Variants in TPD52L2 observed in about 807,000 individuals in gnomAD.
The protein encoded by TPD52L2 is tumor protein D54.
In TPD52L2, 19 loss-of-function variants were observed where a neutral mutation model predicts 24.7. That is an observed-to-expected ratio of 0.77 (90% CI 0.54 to 1.13). TPD52L2 has a LOEUF of 1.13. TPD52L2 is among the 50% of genes most tolerant of loss of function. The probability of loss-of-function intolerance (pLI) is 0.00; values close to 1 mark genes in which losing one functional copy is unlikely to be tolerated. For missense variants in TPD52L2, 236 were observed against 250.4 expected, an observed-to-expected ratio of 0.94 and a Z score of 0.39; for synonymous variants, 104 against 100.2, an observed-to-expected ratio of 1.04 and a Z score of -0.23.
intron 6 of TPD52L2, 27 bp from the exon 7 acceptor site, chr20:63,889,823 T>C: frequency 6.2e-7 from 1 of 1,607,582 alleles, no homozygotes; most frequent in Non-Finnish European, 8.5e-7. Context: ...CTCAGGTTTT[T>C]CTGTCTTCAT....
At chr20:63,867,575 A>C (rs1431247142) in intron 1 of TPD52L2, among the ~76,000 whole-genome samples, 2 of 151,974 alleles carry the variant, frequency 1.3e-5, no homozygotes, top group Admixed American at 6.5e-5. Flanking sequence ...AAAAAAAAAA[A>C]AAGAGAATCA....
In TPD52L2 at chr20:63,865,274, C is replaced by T. The variant is rs1411176924; in HGVS notation, c.-92C>T. ...GAAACGCCGCGGAGCTGAGGCAGTT[C>T]CGCTGGCTAGTGTGTACGCGGCGAG... On this transcript the variant is annotated 5_prime_UTR_variant, in exon 1 of 7. Coordinates refer to ENST00000346249, the MANE Select transcript of TPD52L2 (RefSeq NM_003288.4). 2.1e-5 allele frequency: 29 copies of T among 1,390,798 alleles called. No individual in the cohort carries two copies. The highest frequency in any genetic ancestry group is 2.7e-5 in the Non-Finnish European group (29 of 1,060,316). The allele number at this position is 1,390,798 out of a possible 1,614,324, so 86.2% of individuals were successfully genotyped here.
intron 2 of TPD52L2, among the ~76,000 whole-genome samples, chr20:63,871,082 G>A (rs1365605417): frequency 4.6e-5 from 7 of 151,952 alleles, no homozygotes; most frequent in South Asian, 2.1e-4. Context: ...TTGCTCTGTC[G>A]CCCAGGCTAG....
At chr20:63,865,405 C>G (rs114988659) in intron 1 of TPD52L2, 21 bp downstream of exon 1, 2 of 1,528,456 alleles carry the variant, frequency 1.3e-6, no homozygotes, top group African/African-American at 2.8e-5. Context: ...GGCCCGGCCC[C>G]TTCGCCGCAG....
chr20:63,870,486 G>A (rs2052416721), intron 2 of TPD52L2, among the ~76,000 whole-genome samples: 2 of 150,370 alleles, frequency 1.3e-5, no homozygotes, highest in South Asian at 4.2e-4. Context: ...AAATCCACAA[G>A]GTTTTTTTCA....
intron 3 of TPD52L2, among the ~76,000 whole-genome samples, chr20:63,875,289 C>G (rs900926168): frequency 2.0e-5 from 3 of 152,200 alleles, no homozygotes; most frequent in East Asian, 1.9e-4. Flanking sequence ...AGATGTCGCT[C>G]AGCTCTGAAT....
At chr20:63,883,409 C>T (rs2052972169) in intron 5 of TPD52L2, among the ~76,000 whole-genome samples, 1 of 152,196 alleles carries the variant, frequency 6.6e-6, no homozygotes, top group African/African-American at 2.4e-5. Flanking sequence ...CTGTTCTAGG[C>T]TCCCTGACTA....
Position 63,890,286 on chromosome 20 carries a change from G to T in TPD52L2, c.*341G>T. On this transcript the variant is annotated 3_prime_UTR_variant, in exon 7 of 7. Transcript: ENST00000346249. Reference sequence around the variant, plus strand: ...ATGTTAGCCCATCAGAATGTTGAAGGATTGAAGAGTTCTAAGCATAAAATA... The same window carrying T: ...ATGTTAGCCCATCAGAATGTTGAAGTATTGAAGAGTTCTAAGCATAAAATA... 2.3e-6 allele frequency: 1 copy of T among 441,714 alleles called. No homozygotes were observed. Among genetic ancestry groups the T allele is most frequent in the Non-Finnish European group, 4.0e-6 (1 of 249,348 alleles). 27.4% of individuals were successfully genotyped at this position (441,714 alleles called of 1,614,324 possible).
chr20:63,869,747 T>G (rs1020150158), intron 2 of TPD52L2, among the ~76,000 whole-genome samples: 5 of 152,126 alleles, frequency 3.3e-5, no homozygotes, highest in Admixed American at 1.3e-4. Flanking sequence ...CTGCTGGGAG[T>G]GTCTCTGTTG....
chr20:63,867,422 C>T (rs1293274626), intron 1 of TPD52L2, among the ~76,000 whole-genome samples: 2 of 152,014 alleles, frequency 1.3e-5, no homozygotes, highest in African/African-American at 4.8e-5. Flanking sequence ...AAAAATTAAC[C>T]GGGCATGGTG....
intron 5 of TPD52L2, among the ~76,000 whole-genome samples, chr20:63,885,745 C>G (rs1600833671): frequency 6.6e-6 from 1 of 152,346 alleles, no homozygotes; most frequent in Non-Finnish European, 1.5e-5. Flanking sequence ...ACCCAGGGGC[C>G]TCTTGGGCAC....
rs150157208 is a variant in TPD52L2, at chr20:63,868,715, G to A, written c.20-581G>A. Among the ~76,000 whole-genome samples, 381 of 152,348 alleles carry A rather than the reference G, an allele frequency of 2.5e-3. 2 individuals carry two copies. The highest frequency in any genetic ancestry group is 8.8e-3 in the African/African-American group (367 of 41,590). Reference sequence around the variant, plus strand: ...TCCCAACACTTTGGGAGGCCAAGGCGGGCGGATCACCCGAGGTCGGGAATT... The same window carrying A: ...TCCCAACACTTTGGGAGGCCAAGGCAGGCGGATCACCCGAGGTCGGGAATT... On this transcript the variant is annotated intron_variant, in intron 1 of 6. Coordinates refer to ENST00000346249, the MANE Select transcript of TPD52L2 (RefSeq NM_003288.4).
chr20:63,876,830 G>C (rs1016763680), intron 4 of TPD52L2: 1 of 455,650 alleles, frequency 2.2e-6, no homozygotes, highest in African/African-American at 2.0e-5. Context: ...CCAGGGACCC[G>C]GGTGGTTCGT....
chr20:63,875,453 C>T (rs113332542), intron 3 of TPD52L2, among the ~76,000 whole-genome samples: 1 of 152,190 alleles, frequency 6.6e-6, no homozygotes, highest in African/African-American at 2.4e-5. Context: ...ATATGAGAGG[C>T]CCATGTTTTT....
intron 3 of TPD52L2, among the ~76,000 whole-genome samples, chr20:63,874,569 T>C (rs952639107): frequency 3.3e-5 from 5 of 152,058 alleles, no homozygotes; most frequent in African/African-American, 1.2e-4. Context: ...AGACAGGGTC[T>C]TGCTTTGCTA....
At chr20:63,866,245 C>T (rs2052227571) in intron 1 of TPD52L2, among the ~76,000 whole-genome samples, 1 of 151,746 alleles carries the variant, frequency 6.6e-6, no homozygotes, top group Admixed American at 6.6e-5. Context: ...GCTGGGACTA[C>T]AGGCACGCGC....
At chr20:63,869,984 C>G (rs888203519) in intron 2 of TPD52L2, among the ~76,000 whole-genome samples, 1 of 151,998 alleles carries the variant, frequency 6.6e-6, no homozygotes, top group African/African-American at 2.4e-5. Context: ...AAAAATTAGC[C>G]AGGTGTGGTG....
rs1372976288 is a variant in TPD52L2, at chr20:63,889,921, CCT to C, written c.598_599del (p.Leu200ValfsTer45). The C allele has an allele frequency of 2.5e-5, 40 of 1,614,034 alleles. No individual in the cohort carries two copies. Among genetic ancestry groups the C allele is most frequent in the Non-Finnish European group, 3.2e-5 (38 of 1,180,040 alleles). ...PSSAGSGDKP[L>X]SDPAPF ...CCTCAGCGGGGAGTGGTGACAAGCC[CCT>C]GTCGGATCCCGCACCTTTCTAAGCC... On this transcript the variant is annotated frameshift_variant, in exon 7 of 7. Transcript: ENST00000346249. LOFTEE classifies it high-confidence loss of function.
chr20:63,874,288 G>A (rs2052583298), intron 3 of TPD52L2, among the ~76,000 whole-genome samples: 1 of 150,368 alleles, frequency 6.7e-6, no homozygotes, highest in Non-Finnish European at 1.5e-5. Flanking sequence ...CACCATGTTG[G>A]CCAGGCTGGT....
Sources: allele counts gnomAD v4.1 joint callset (sites outside exome capture counted in the v4.1 genomes callset), GRCh38; gene constraint gnomAD v4.1.1; transcripts MANE v1.5; gene names NCBI Gene and HGNC (gene_info 2026-07-23, HGNC 2026-07-21).